GSE1: variants seen among roughly 807,000 people sequenced by gnomAD.
GSE1 encodes the protein genetic suppressor element 1.
A neutral mutation model predicts 112.6 loss-of-function variants in GSE1; 32 were observed. That is an observed-to-expected ratio of 0.28 (90% CI 0.21 to 0.38). GSE1 has a LOEUF of 0.38. Ranked by LOEUF, GSE1 falls within the 10% of genes least tolerant of loss-of-function variation. The pLI is 1.00. For synonymous variants in GSE1, 1,115 were observed against 735.6 expected (o/e 1.52, Z -8.35); for missense variants, 2,348 against 1,699.2 (o/e 1.38, Z -6.71).
At chr16:85,463,689 G>C (rs1447156800) in intron 2 of GSE1, among the ~76,000 whole-genome samples, 1 of 152,176 alleles carries the variant, frequency 6.6e-6, no homozygotes, top group Non-Finnish European at 1.5e-5. Context: ...GCTCTCTGGG[G>C]AGAACTCCTG....
intron 1 of GSE1, among the ~76,000 whole-genome samples, chr16:85,199,487 C>G (rs774939609): frequency 6.6e-6 from 1 of 152,194 alleles, no homozygotes; most frequent in African/African-American, 2.4e-5. Flanking sequence ...TAAACACCCT[C>G]TCCAAGAATA....
chr16:85,353,155 C>T (rs781400016), intron 1 of GSE1, among the ~76,000 whole-genome samples: 4 of 152,200 alleles, frequency 2.6e-5, no homozygotes, highest in African/African-American at 4.8e-5. Context: ...GAGGCTCAAC[C>T]GTGGAGGAAC....
chr16:85,416,533 C>T (rs1345652776), intron 2 of GSE1, among the ~76,000 whole-genome samples: 1 of 152,136 alleles, frequency 6.6e-6, no homozygotes, highest in African/African-American at 2.4e-5. Context: ...TGCGGTGTGC[C>T]CACTTGCCCT....
intron 1 of GSE1, among the ~76,000 whole-genome samples, chr16:85,271,605 C>T (rs1908843464): frequency 6.6e-6 from 1 of 152,226 alleles, no homozygotes; most frequent in Non-Finnish European, 1.5e-5. Flanking sequence ...TGCTGCTTCG[C>T]AGCGTGTACT....
At chr16:85,293,018 C>T (rs771669486) in intron 1 of GSE1, among the ~76,000 whole-genome samples, 23 of 152,298 alleles carry the variant, frequency 1.5e-4, no homozygotes, top group Non-Finnish European at 2.8e-4. Flanking sequence ...TTTTGACAAG[C>T]GTGTACGGTT....
chr16:85,253,995 A>G (rs1280728608), intron 1 of GSE1, among the ~76,000 whole-genome samples: 1 of 152,162 alleles, frequency 6.6e-6, no homozygotes, highest in African/African-American at 2.4e-5. Flanking sequence ...AAGGTGTGGG[A>G]TGGAGCTGGA....
chr16:85,622,473 G>A (rs1415460801), intron 1 of GSE1, among the ~76,000 whole-genome samples: 1 of 152,200 alleles, frequency 6.6e-6, no homozygotes, highest in East Asian at 1.9e-4. Context: ...CTGTGCTGTA[G>A]GAGTTTGTAG....
At chr16:85,231,861 G>A (rs1904289712) in intron 1 of GSE1, among the ~76,000 whole-genome samples, 1 of 152,246 alleles carries the variant, frequency 6.6e-6, no homozygotes, top group Admixed American at 6.5e-5. Context: ...AGAAGGCGAG[G>A]AACTTGCAAA....
chr16:85,567,195 G>A lies in GSE1; in HGVS notation c.37+10832G>A, dbSNP rs551750394. Among the ~76,000 whole-genome samples the A allele has an allele frequency of 1.6e-4, 25 of 152,260 alleles. 2 individuals carry two copies. In the East Asian group the frequency reaches 2.7e-3, roughly 16 times the overall value. ...GTGGGCAGGTCAGACCAACCGTTGC[G>A]GGGGAGGGGATGGGGCGGCTGGTGG... On this transcript the variant is annotated intron_variant, in intron 1 of 2. Coordinates refer to the GSE1 transcript ENST00000635906.
At chr16:85,549,532 T>C (rs1248110113) in intron 2 of GSE1, among the ~76,000 whole-genome samples, 1 of 152,216 alleles carries the variant, frequency 6.6e-6, no homozygotes, top group Non-Finnish European at 1.5e-5. Context: ...AGGGGCAGGC[T>C]GGGGATGCCT....
chr16:85,257,250 A>G (rs8059550), intron 1 of GSE1, among the ~76,000 whole-genome samples: 4,143 of 152,234 alleles, frequency 0.027, 199 homozygotes, highest in African/African-American at 0.093. Context: ...CTGGCATTAC[A>G]GGAGCCCTGC....
intron 2 of GSE1, among the ~76,000 whole-genome samples, chr16:85,465,697 C>G (rs918582557): frequency 6.6e-6 from 1 of 152,168 alleles, no homozygotes; most frequent in African/African-American, 2.4e-5. Flanking sequence ...TCCTCATGGT[C>G]TATGTTGTTG....
chr16:85,296,188 G>A (rs1241523972), intron 1 of GSE1, among the ~76,000 whole-genome samples: 1 of 152,158 alleles, frequency 6.6e-6, no homozygotes, highest in Non-Finnish European at 1.5e-5. Flanking sequence ...TAGGGAAGGG[G>A]ACAGCCTGTG....
intron 2 of GSE1, among the ~76,000 whole-genome samples, chr16:85,376,981 G>T (rs1291947018): frequency 6.6e-6 from 1 of 152,250 alleles, no homozygotes; most frequent in Non-Finnish European, 1.5e-5. Context: ...GTGGCCGTTT[G>T]GCCAGAGTTG....
At chr16:85,344,504 C>T (rs373534701) in intron 1 of GSE1, among the ~76,000 whole-genome samples, 6 of 152,078 alleles carry the variant, frequency 3.9e-5, no homozygotes, top group Admixed American at 6.5e-5. Flanking sequence ...GACAGGTGTG[C>T]GGGGCACATT....
chr16:85,376,791 G>T (rs554464364), intron 2 of GSE1, among the ~76,000 whole-genome samples: 1 of 152,352 alleles, frequency 6.6e-6, no homozygotes, highest in Non-Finnish European at 1.5e-5. Context: ...GGGGCTGGGA[G>T]ATGGAGGTGG....
intron 2 of GSE1, among the ~76,000 whole-genome samples, chr16:85,409,791 C>T (rs74951733): frequency 0.033 from 71 of 2,158 alleles, 6 homozygotes; most frequent in Admixed American, 0.065. Context: ...TAATCCTCAC[C>T]GTTACACTCA....
At chr16:85,492,708 A>C (rs2051049057) in intron 2 of GSE1, among the ~76,000 whole-genome samples, 2 of 152,040 alleles carry the variant, frequency 1.3e-5, no homozygotes, top group African/African-American at 4.8e-5. Flanking sequence ...CAGAGATGAC[A>C]CAGTCAGGCC....
chr16:85,441,897 C>A (rs716811), intron 2 of GSE1, among the ~76,000 whole-genome samples: 1 of 152,062 alleles, frequency 6.6e-6, no homozygotes, highest in Non-Finnish European at 1.5e-5. Flanking sequence ...CTCGCCAAAA[C>A]CCCCTACATC....
Sources: allele counts gnomAD v4.1 joint callset (sites outside exome capture counted in the v4.1 genomes callset), GRCh38; gene constraint gnomAD v4.1.1; transcripts MANE v1.5; gene names NCBI Gene and HGNC (gene_info 2026-07-23, HGNC 2026-07-21).